Variants in ARHGAP32 observed in about 807,000 individuals in gnomAD.
ARHGAP32 encodes the protein rho GTPase-activating protein 32.
ARHGAP32 carries 51 observed loss-of-function variants against 186.5 expected under a neutral mutation model. That is an observed-to-expected ratio of 0.27 (90% CI 0.22 to 0.35). The LOEUF is 0.35. ARHGAP32 is among the 10% of genes least tolerant of loss of function. ARHGAP32 has a pLI of 1.00. For missense variants in ARHGAP32, 2,186 were observed against 2,623.5 expected (o/e 0.83, Z 3.64); for synonymous variants, 950 against 964.3 (o/e 0.99, Z 0.27).
At position 129,061,724 on chromosome 11, in the gene ARHGAP32, T is replaced by A. The variant is rs560394481; in HGVS notation, c.963+556A>T. Reference sequence around the variant, plus strand: ...AGAACAGCATGCAGTTTAAAATTTATGAATTATTTATTTTTGGAATTATCC... The same window carrying A: ...AGAACAGCATGCAGTTTAAAATTTAAGAATTATTTATTTTTGGAATTATCC... On this transcript the variant is annotated intron_variant, in intron 10 of 22. Transcript: ENST00000682385. Among the ~76,000 whole-genome samples, 13 of 152,284 alleles carry A rather than the reference T, an allele frequency of 8.5e-5. No individual in the cohort carries two copies. The South Asian group carries it at 2.7e-3, about 32-fold the overall frequency.
chr11:129,020,804 A>G (rs1010190648), intron 11 of ARHGAP32, among the ~76,000 whole-genome samples: 13 of 152,020 alleles, frequency 8.6e-5, no homozygotes, highest in Admixed American at 6.6e-5. Flanking sequence ...AGATAAATTG[A>G]GTCTTGAATT....
intron 6 of ARHGAP32, among the ~76,000 whole-genome samples, chr11:129,074,880 G>A (rs1321651078): frequency 6.6e-6 from 1 of 152,106 alleles, no homozygotes; most frequent in African/African-American, 2.4e-5. Context: ...CAAAAAAAGA[G>A]AATTGATCAT....
chr11:129,196,336 C>A (rs1312973759), upstream of ARHGAP32, among the ~76,000 whole-genome samples: 1 of 152,140 alleles, frequency 6.6e-6, no homozygotes, highest in Admixed American at 6.5e-5. Flanking sequence ...GAGGGATGGT[C>A]CTATCTGTAT....
At chr11:129,256,818 C>T (rs1255082284) in intron 1 of ARHGAP32, among the ~76,000 whole-genome samples, 6 of 152,096 alleles carry the variant, frequency 3.9e-5, no homozygotes, top group African/African-American at 7.2e-5. Flanking sequence ...ATTTTCCTCA[C>T]GAAATGTAAG....
rs770259316 is a variant in ARHGAP32, at chr11:129,066,827, C to A, written c.573G>T (p.Arg191=). The A allele has an allele frequency of 1.9e-6, 3 of 1,611,140 alleles. No homozygotes were observed. The highest frequency in any genetic ancestry group is 4.5e-5 in the East Asian group (2 of 44,822). The change falls in exon 7 of 23, where the codon CGG becomes CGT. Residue 191 remains arginine, a synonymous_variant. Coordinates refer to ENST00000682385, the MANE Select transcript of ARHGAP32 (RefSeq NM_001378024.1). ...WIVKRSYEDF[R]VLDKHLHLCI... ...ACAGATGAAGATGTTTATCAAGTAC[C>A]CGAAAATCTTCATAACTTCTTTTAA...
rs747911546 is a variant in ARHGAP32 at position 128,986,050 on chromosome 11, C to A, written c.1479G>T (p.Leu493=). 1 of 1,606,988 alleles carries A rather than the reference C, an allele frequency of 6.2e-7. No homozygotes were observed. The highest frequency in any genetic ancestry group is 8.5e-7 in the Non-Finnish European group (1 of 1,177,846). ...AVSAATDEER[L]IKIHDVIQQL... ...GCTGGATGACATCGTGGATTTTTAT[C>A]AGCCTTTCTTCATCTGTTGCTGCTG... The change falls in exon 15 of 23, where the codon CTG becomes CTT. Residue 493 remains leucine (L), a synonymous_variant. Coordinates refer to ENST00000682385, the MANE Select transcript of ARHGAP32 (RefSeq NM_001378024.1).
chr11:129,026,592 G>A (rs370850412), intron 11 of ARHGAP32, among the ~76,000 whole-genome samples: 1 of 151,996 alleles, frequency 6.6e-6, no homozygotes, highest in Non-Finnish European at 1.5e-5. Flanking sequence ...TCAGGAGTTT[G>A]AGACCAGCCT....
At chr11:129,094,270 G>A (rs1020475246) in intron 5 of ARHGAP32, among the ~76,000 whole-genome samples, 1 of 152,074 alleles carries the variant, frequency 6.6e-6, no homozygotes, top group African/African-American at 2.4e-5. Flanking sequence ...CTTGAAGGAT[G>A]GATACCCCAT....
Position 128,973,367 on chromosome 11 carries a change from G to A in ARHGAP32, c.3139C>T (p.Pro1047Ser). 1 of 1,614,136 alleles carries A rather than the reference G, an allele frequency of 6.2e-7. No homozygotes were observed. The highest frequency in any genetic ancestry group is 8.5e-7 in the Non-Finnish European group (1 of 1,180,018). Residue 1047 changes from proline to serine, a missense_variant, in exon 22 of 23, where the codon CCA (proline) becomes TCA (serine). Pro to Ser is a moderately conservative substitution (Grantham distance 74). This residue lies in a region of ARHGAP32 where 1,502 missense variants were observed against 1,570.0 expected (regional missense o/e 0.96). Coordinates refer to ENST00000682385, the MANE Select transcript of ARHGAP32 (RefSeq NM_001378024.1). The part of the protein sequence containing the change: ...PVSSVSLIPP[P>S]PPPKNVARML... Reference sequence around the variant, plus strand: ...CGGGCAACATTTTTCGGAGGCGGTGGTGGTGGGATAAGAGAGACTGAACTG... The same window carrying A: ...CGGGCAACATTTTTCGGAGGCGGTGATGGTGGGATAAGAGAGACTGAACTG...
At chr11:129,215,868 C>G (rs1039984470) in intron 1 of ARHGAP32, among the ~76,000 whole-genome samples, 10 of 152,112 alleles carry the variant, frequency 6.6e-5, no homozygotes, top group African/African-American at 2.4e-4. Context: ...AAAAAAGAGT[C>G]TTTGCAGACT....
At chr11:128,975,152 C>A in intron 20 of ARHGAP32, 150 bp from the exon 21 acceptor site, 3 of 639,164 alleles carry the variant, frequency 4.7e-6, no homozygotes, top group Non-Finnish European at 7.9e-6. Flanking sequence ...TCAGTGCACA[C>A]AGATCATTTA....
At chr11:129,237,076 TC>T (rs1944946355) in intron 1 of ARHGAP32, among the ~76,000 whole-genome samples, 1 of 152,194 alleles carries the variant, frequency 6.6e-6, no homozygotes, top group Non-Finnish European at 1.5e-5. Flanking sequence ...TGTTAAACCA[TC>T]CCTGCATTCC....
intron 2 of ARHGAP32, among the ~76,000 whole-genome samples, chr11:129,143,088 T>TATATATATATATAA (rs886102587): frequency 4.7e-5 from 7 of 149,022 alleles, no homozygotes; most frequent in Non-Finnish European, 8.9e-5. Flanking sequence ...TATATATATA[T>TATATATATATATAA]AATCAACTGA....
intron 11 of ARHGAP32, among the ~76,000 whole-genome samples, chr11:129,031,715 C>A (rs930122593): frequency 2.6e-5 from 4 of 152,172 alleles, no homozygotes; most frequent in Non-Finnish European, 5.9e-5. Flanking sequence ...CAAGCCTGGA[C>A]CTATGACCCA....
At chr11:129,161,274 C>T (rs1943524307) in intron 2 of ARHGAP32, among the ~76,000 whole-genome samples, 1 of 151,670 alleles carries the variant, frequency 6.6e-6, no homozygotes, top group Admixed American at 6.6e-5. Context: ...ACACCAAAAG[C>T]AATAGCAAAA....
intron 1 of ARHGAP32, among the ~76,000 whole-genome samples, chr11:129,276,468 T>C (rs775612208): frequency 6.6e-6 from 1 of 152,096 alleles, no homozygotes; most frequent in African/African-American, 2.4e-5. Flanking sequence ...ACTCAGCTAA[T>C]GGTTTTTATT....
chr11:128,970,733 C>A lies in ARHGAP32; in HGVS notation c.4480G>T (p.Asp1494Tyr). ...GGACCAAAGGGTTCAGTGGTGACAT[C>A]GGGCCTAGCAAAGGAGGAGTAAACT... ...KTVYSSFARP[D>Y]VTTEPFGPDN... The change falls in exon 23 of 23, where the codon GAT becomes TAT. Residue 1494 changes from aspartate to tyrosine, a missense_variant. Physicochemically the swap from Asp to Tyr is radical, Grantham distance 160. This residue lies in a region of ARHGAP32 where 1,502 missense variants were observed against 1,570.0 expected (regional missense o/e 0.96). Coordinates refer to ENST00000682385, the MANE Select transcript of ARHGAP32 (RefSeq NM_001378024.1). The surrounding 1 kb of genome is among the most constrained non-coding windows in gnomAD (Gnocchi z 5.8). 4.3e-6 allele frequency: 7 copies of A among 1,614,114 alleles called. No homozygotes were observed. The highest frequency in any genetic ancestry group is 5.1e-6 in the Non-Finnish European group (6 of 1,180,012).
chr11:128,980,463 C>T (rs1945675779), intron 18 of ARHGAP32, 90 bp downstream of exon 18: 2 of 1,090,240 alleles, frequency 1.8e-6, no homozygotes, highest in Non-Finnish European at 2.6e-6. Flanking sequence ...TAGAGTAATA[C>T]TAAAATACAA....
chr11:129,262,182 CAAAAA>C (rs199994880), intron 1 of ARHGAP32, among the ~76,000 whole-genome samples: 1 of 150,764 alleles, frequency 6.6e-6, no homozygotes, highest in African/African-American at 2.4e-5. Context: ...CCTCATGCGC[CAAAAA>C]AAAAGTCTGT....
Sources: gnomAD v4.1 joint callset for allele counts (sites outside exome capture counted in the v4.1 genomes callset) on GRCh38, gnomAD v4.1.1 for gene constraint, gnomAD v4.1.1 regional missense constraint, Gnocchi (gnomAD v3.1) non-coding constraint, MANE v1.5 for transcripts, NCBI Gene and HGNC (gene_info 2026-07-23, HGNC 2026-07-21) for gene names.